The following AKAP11 variants were observed in gnomAD, a reference collection of about 807,000 sequenced individuals.
AKAP11 encodes A-kinase anchor protein 11.
AKAP11 carries 36 observed loss-of-function variants against 146.1 expected under a neutral mutation model. The observed-to-expected ratio is 0.25, with a 90% CI of 0.19 to 0.33. The LOEUF is 0.33. Among genes scored for constraint, AKAP11 ranks in the 10% least tolerant of loss-of-function variants. The probability of loss-of-function intolerance (pLI) is 1.00; values close to 1 mark genes in which losing one functional copy is unlikely to be tolerated. For synonymous variants in AKAP11, 780 were observed against 786.5 expected (o/e 0.99, Z 0.14); for missense variants, 2,201 against 2,197.0 (o/e 1.00, Z -0.04).
rs373043223 is a variant in AKAP11 at position 42,303,281 on chromosome 13, A to G, written c.4535A>G (p.Gln1512Arg). 35 of 1,613,160 alleles carry G rather than the reference A, an allele frequency of 2.2e-5. No individual in the cohort carries two copies. The highest frequency in any genetic ancestry group is 2.7e-5 in the African/African-American group (2 of 74,930). Residue 1512 changes from glutamine (Q) to arginine (R), a missense_variant, in exon 8 of 13, where the codon CAG (glutamine) becomes CGG (arginine). Physicochemically the swap from Gln to Arg is conservative, Grantham distance 43. Transcript: ENST00000025301. ...HVTPELPKSL[Q>R]PSSQNHRFYH... Reference sequence around the variant, plus strand: ...ACACCAGAATTGCCTAAGTCTCTTCAGCCTTCCTCACAAAATCACAGGTTT... The same window carrying G: ...ACACCAGAATTGCCTAAGTCTCTTCGGCCTTCCTCACAAAATCACAGGTTT...
chr13:42,275,843 G>A (rs1460900119), intron 1 of AKAP11, among the ~76,000 whole-genome samples: 3 of 152,128 alleles, frequency 2.0e-5, no homozygotes, highest in African/African-American at 7.2e-5. Context: ...GCAAGGGTAC[G>A]GTATTAGTAT....
intron 9 of AKAP11, among the ~76,000 whole-genome samples, chr13:42,310,647 T>C (rs1161903451): frequency 6.6e-6 from 1 of 151,938 alleles, no homozygotes; most frequent in Non-Finnish European, 1.5e-5. Flanking sequence ...TCACTTGAGG[T>C]CAGGAGTTCA....
chr13:42,302,692 G>A lies in AKAP11; in HGVS notation c.3946G>A (p.Asp1316Asn). ...GGCTGTAGTGCACCCAAGAGAAGTG[G>A]ATCCGTTTATTCTTTCATTACCACC... ...IEAVVHPREV[D>N]PFILSLPPSS... Residue 1316 changes from aspartate to asparagine, a missense_variant, in exon 8 of 13, where the codon GAT becomes AAT. Around this residue, in one of 3 missense-constraint regions of AKAP11, gnomAD observed 1,867 missense variants for 1,833.5 expected, o/e 1.02. Transcript: ENST00000025301. The A allele has an allele frequency of 3.7e-6, 6 of 1,614,096 alleles. No individual in the cohort carries two copies. The highest frequency in any genetic ancestry group is 5.1e-6 in the Non-Finnish European group (6 of 1,180,018).
chr13:42,318,367 T>C (rs1960921094), intron 12 of AKAP11, among the ~76,000 whole-genome samples: 1 of 152,210 alleles, frequency 6.6e-6, no homozygotes, highest in South Asian at 2.1e-4. Flanking sequence ...AATTGTATGT[T>C]ATGTGAGTTT....
chr13:42,293,860 G>A (rs1256448073), intron 4 of AKAP11, among the ~76,000 whole-genome samples: 1 of 152,204 alleles, frequency 6.6e-6, no homozygotes, highest in Non-Finnish European at 1.5e-5. Flanking sequence ...AAATCTCTGA[G>A]TATCTTTTCA....
At chr13:42,291,216 T>C (rs573697253) in intron 3 of AKAP11, among the ~76,000 whole-genome samples, 1 of 152,182 alleles carries the variant, frequency 6.6e-6, no homozygotes, top group Non-Finnish European at 1.5e-5. Context: ...TTCCATAATT[T>C]GTTTTAATGG....
rs1462736912 is a variant in AKAP11 at position 42,300,622 on chromosome 13, A to G, written c.1876A>G (p.Asn626Asp). Residue 626 changes from asparagine (N) to aspartate (D), a missense_variant, in exon 8 of 13, where the codon AAT becomes GAT. By Grantham distance (23) the Asn-to-Asp change is conservative. Around this residue, in one of 3 missense-constraint regions of AKAP11, gnomAD observed 1,867 missense variants for 1,833.5 expected, o/e 1.02. Coordinates refer to ENST00000025301, the MANE Select transcript of AKAP11 (RefSeq NM_016248.4). ...CTTTTTGGTGAGTGAAGCTTTATCA[A>G]ATGCCTTAAAAGATTTACAGTATGT... is the stretch of plus-strand genomic sequence containing the variant. ...ANFLVSEALS[N>D]ALKDLQYVKK... 16 of 1,613,966 alleles carry G rather than the reference A, an allele frequency of 9.9e-6. No homozygotes were observed. Among genetic ancestry groups the G allele is most frequent in the Non-Finnish European group, 1.4e-5 (16 of 1,179,958 alleles).
Position 42,321,775 on chromosome 13 carries a change from C to T in AKAP11, c.*2547C>T, listed in dbSNP as rs1477110030. ...TTGGCTTGACATATTTATACTGTAA[C>T]ATTGTAATATTGCTGTGCTGTACAT... On this transcript the variant is annotated 3_prime_UTR_variant, in exon 13 of 13. Coordinates refer to ENST00000025301, the MANE Select transcript of AKAP11 (RefSeq NM_016248.4). 1 of 152,232 alleles carries T rather than the reference C, an allele frequency of 6.6e-6. No individual in the cohort carries two copies. The highest frequency in any genetic ancestry group is 1.5e-5 in the Non-Finnish European group (1 of 67,984). The allele number at this position is 152,232 out of a possible 1,614,324, so 9.4% of individuals were successfully genotyped here.
At chr13:42,288,003 A>G (rs1300267246) in intron 3 of AKAP11, among the ~76,000 whole-genome samples, 1 of 152,172 alleles carries the variant, frequency 6.6e-6, no homozygotes, top group Admixed American at 6.5e-5. Context: ...TTTGAATTCA[A>G]CTTGAATTAT....
At position 42,280,581 on chromosome 13, in the gene AKAP11, A is replaced by G. The variant is rs576537546; in HGVS notation, c.-99-5405A>G. On this transcript the variant is annotated intron_variant, in intron 1 of 12. Coordinates refer to ENST00000025301, the MANE Select transcript of AKAP11 (RefSeq NM_016248.4). Reference sequence around the variant, plus strand: ...TATTTATTAGTTCAGCAGATGTTTGAATGCCTACTATGTAAAAATACATAA... The same window carrying G: ...TATTTATTAGTTCAGCAGATGTTTGGATGCCTACTATGTAAAAATACATAA... Among the ~76,000 whole-genome samples, 16 of 152,332 alleles carry G rather than the reference A, an allele frequency of 1.1e-4. No individual in the cohort carries two copies. In the South Asian group the frequency reaches 3.3e-3, roughly 32 times the overall value.
chr13:42,272,927 G>T (rs892181666), intron 1 of AKAP11, among the ~76,000 whole-genome samples: 7 of 152,170 alleles, frequency 4.6e-5, no homozygotes. Context: ...AAGTGACAAT[G>T]ACAGTAAAAG....
intron 1 of AKAP11, among the ~76,000 whole-genome samples, chr13:42,278,052 G>T (rs115612385): frequency 1.3e-4 from 20 of 152,242 alleles, no homozygotes; most frequent in African/African-American, 4.3e-4. Context: ...GCATCTAGTG[G>T]GTAGAGGCCA....
At chr13:42,317,743 T>C in intron 12 of AKAP11, 55 bp downstream of exon 12, 2 of 1,553,560 alleles carry the variant, frequency 1.3e-6, no homozygotes, top group Non-Finnish European at 1.7e-6. Flanking sequence ...ATGATGTTCT[T>C]GTCATGTGAT....
At chr13:42,290,120 AC>A (rs1959194661) in intron 3 of AKAP11, among the ~76,000 whole-genome samples, 1 of 152,142 alleles carries the variant, frequency 6.6e-6, no homozygotes, top group East Asian at 1.9e-4. Context: ...AGGTTCACAC[AC>A]TGTATTTGGG....
Position 42,302,928 on chromosome 13 carries a change from A to T in AKAP11, c.4182A>T (p.Arg1394Ser). 5 of 1,614,018 alleles carry T rather than the reference A, an allele frequency of 3.1e-6. No homozygotes were observed. The highest frequency in any genetic ancestry group is 4.2e-6 in the Non-Finnish European group (5 of 1,180,028). Residue 1394 changes from arginine (R) to serine (S), a missense_variant, in exon 8 of 13, where the codon AGA becomes AGT. By Grantham distance (110) the Arg-to-Ser change is moderately radical. This residue lies in a region of AKAP11 where 1,867 missense variants were observed against 1,833.5 expected (regional missense o/e 1.02). Coordinates refer to ENST00000025301, the MANE Select transcript of AKAP11 (RefSeq NM_016248.4). ...AKTTKVQCNS[R>S]MFPVPSSQVK... ...CAACCAAAGTGCAGTGCAACTCAAGAATGTTCCCTGTGCCAAGTTCACAAG... is the reference window on the plus strand; with the variant it reads ...CAACCAAAGTGCAGTGCAACTCAAGTATGTTCCCTGTGCCAAGTTCACAAG...
rs769577055 is a variant in AKAP11 at position 42,298,597 on chromosome 13, A to T, written c.416A>T (p.Asp139Val). The T allele has an allele frequency of 2.5e-6, 4 of 1,612,700 alleles. No individual in the cohort carries two copies. Among genetic ancestry groups the T allele is most frequent in the East Asian group, 4.5e-5 (2 of 44,848 alleles). The change falls in exon 7 of 13, where the codon GAT becomes GTT. Residue 139 changes from aspartate to valine, a missense_variant. Coordinates refer to ENST00000025301, the MANE Select transcript of AKAP11 (RefSeq NM_016248.4). ...VSPTSPRLRI[D>V]FIFSLLSKYA... Reference sequence around the variant, plus strand: ...CCTACATCACCAAGACTTAGGATTGATTTTATCTTTAGTCTCCTAAGTAAA... The same window carrying T: ...CCTACATCACCAAGACTTAGGATTGTTTTTATCTTTAGTCTCCTAAGTAAA...
chr13:42,303,338 G>A lies in AKAP11; in HGVS notation c.4592G>A (p.Gly1531Asp), dbSNP rs767751293. 9 of 1,612,604 alleles carry A rather than the reference G, an allele frequency of 5.6e-6. No homozygotes were observed. The highest frequency in any genetic ancestry group is 1.1e-5 in the South Asian group (1 of 91,082). Residue 1531 changes from glycine to aspartate, a missense_variant, in exon 8 of 13, where the codon GGT (glycine) becomes GAT (aspartate). Coordinates refer to ENST00000025301, the MANE Select transcript of AKAP11 (RefSeq NM_016248.4). ...YHSTGSLNGY[G>D]CGDNVVQAVE... ...AGCACTGGCAGTTTAAATGGATATG[G>A]TTGTGGAGACAATGTTGTTCAAGCT...
chr13:42,277,887 A>T (rs1466291616), intron 1 of AKAP11, among the ~76,000 whole-genome samples: 1 of 152,258 alleles, frequency 6.6e-6, no homozygotes, highest in Non-Finnish European at 1.5e-5. Context: ...TAGTACTTAC[A>T]GTCCAGTGCA....
In AKAP11 at chr13:42,316,858, T is replaced by G. The variant is rs1428634956; in HGVS notation, c.5405-670T>G. ...GCTGCACAGATGTTGCTGCTCTTCT[T>G]TATTTGAGATTTCTGTTTTTTTGTG... On this transcript the variant is annotated intron_variant, in intron 11 of 12. Transcript: ENST00000025301. 2.0e-5 allele frequency among the ~76,000 whole-genome samples: 3 copies of G among 152,296 alleles called. No individual in the cohort carries two copies. The South Asian group carries it at 6.2e-4, about 32-fold the overall frequency.
Sources: gnomAD v4.1 joint callset for allele counts (sites outside exome capture counted in the v4.1 genomes callset) on GRCh38, gnomAD v4.1.1 for gene constraint, gnomAD v4.1.1 regional missense constraint, MANE v1.5 for transcripts, NCBI Gene and HGNC (gene_info 2026-07-23, HGNC 2026-07-21) for gene names.